PHF24: variants seen among roughly 807,000 people sequenced by gnomAD.
PHF24 encodes Galpha inhibitory interacting protein.
Under a neutral mutation model 42.6 loss-of-function variants are expected in PHF24, and 25 were observed. The ratio of observed to expected loss-of-function variants is 0.59; its 90% CI spans 0.43 to 0.82. The LOEUF is 0.82. PHF24 is among the 40% of genes least tolerant of loss of function. The pLI is 0.00. For synonymous variants in PHF24, 185 were observed against 204.8 expected (o/e 0.90, Z 0.83); for missense variants, 470 against 538.1 (o/e 0.87, Z 1.25).
chr9:34,855,040 G>C, the PHF24 span, among the ~76,000 whole-genome samples: 4 of 152,088 alleles, frequency 2.6e-5, no homozygotes, highest in Non-Finnish European at 4.4e-5. Flanking sequence ...ACCCTTCTTT[G>C]GCTTTTTTGA....
chr9:34,972,450 C>T (rs981148976), exon 3 of PHF24: 1 of 1,614,078 alleles, frequency 6.2e-7, no homozygotes, highest in African/African-American at 1.3e-5. Context: ...GCCTGCGCCG[C>T]ATGGGCTACA....
At chr9:34,719,617 C>A in the PHF24 span, among the ~76,000 whole-genome samples, 1 of 152,208 alleles carries the variant, frequency 6.6e-6, no homozygotes, top group African/African-American at 2.4e-5. Flanking sequence ...TGAGCCCATG[C>A]TGGCCTCAGG....
the PHF24 span, among the ~76,000 whole-genome samples, chr9:34,790,090 C>T: frequency 6.6e-6 from 1 of 152,170 alleles, no homozygotes. Context: ...TCAGGCGATC[C>T]TCCACCTTCA....
At chr9:34,959,765 G>A (rs1228916180) in intron 1 of PHF24, among the ~76,000 whole-genome samples, 2 of 152,142 alleles carry the variant, frequency 1.3e-5, no homozygotes, top group Non-Finnish European at 2.9e-5. Flanking sequence ...TTTTTGACAG[G>A]GCTTTCTCTG....
the PHF24 span, among the ~76,000 whole-genome samples, chr9:34,739,099 A>G: frequency 2.0e-5 from 3 of 152,000 alleles, no homozygotes; most frequent in African/African-American, 7.3e-5. Flanking sequence ...CAGTTTTCTA[A>G]TTTTCTTGTT....
At chr9:34,690,332 C>G in the PHF24 span, 3 of 1,613,744 alleles carry the variant, frequency 1.9e-6, no homozygotes. Flanking sequence ...TGGTGCCACT[C>G]AGAGTTGGGG....
exon 8 of PHF24, chr9:34,980,695 C>T (rs1035127507): frequency 6.6e-6 from 1 of 152,294 alleles, no homozygotes; most frequent in Admixed American, 6.5e-5. Context: ...ATTTCGTTTT[C>T]AAGCCCTCCC....
the PHF24 span, among the ~76,000 whole-genome samples, chr9:34,933,541 G>A: frequency 2.0e-5 from 3 of 151,726 alleles, no homozygotes; most frequent in Non-Finnish European, 4.4e-5. Context: ...TGGCTAACAC[G>A]GTGAAACCCT....
the PHF24 span, among the ~76,000 whole-genome samples, chr9:34,883,973 C>G: frequency 0.036 from 5,436 of 152,284 alleles, 303 homozygotes; most frequent in African/African-American, 0.12. Flanking sequence ...CCCAAATGTC[C>G]ATCAGTGATA....
intron 7 of PHF24, 42 bp downstream of exon 7, chr9:34,977,683 C>A: frequency 6.7e-7 from 1 of 1,482,428 alleles, no homozygotes; most frequent in Non-Finnish European, 9.2e-7. Context: ...ACCCTCTGAA[C>A]CCCCACAAAA....
the PHF24 span, among the ~76,000 whole-genome samples, chr9:34,695,641 A>C: frequency 1.3e-5 from 2 of 152,148 alleles, no homozygotes; most frequent in Non-Finnish European, 2.9e-5. Context: ...CTCCAGGTAA[A>C]TGATGTCAGA....
At chr9:34,814,469 A>G in the PHF24 span, among the ~76,000 whole-genome samples, 2 of 152,222 alleles carry the variant, frequency 1.3e-5, no homozygotes, top group African/African-American at 4.8e-5. Flanking sequence ...TTCTTACTGT[A>G]AAAGCAGTGA....
chr9:34,760,861 G>T, the PHF24 span, among the ~76,000 whole-genome samples: 1 of 152,068 alleles, frequency 6.6e-6, no homozygotes, highest in Non-Finnish European at 1.5e-5. Context: ...GTGTAGTGGC[G>T]AGCGCCTGTA....
the PHF24 span, chr9:34,895,054 C>G: frequency 2.5e-6 from 1 of 398,526 alleles, no homozygotes; most frequent in East Asian, 3.6e-5. Context: ...GATGTTCTAT[C>G]TCCAGACTTT....
chr9:34,850,185 C>A, the PHF24 span, among the ~76,000 whole-genome samples: 80 of 152,288 alleles, frequency 5.3e-4, no homozygotes, highest in Admixed American at 4.4e-3. Context: ...TGGATAATAT[C>A]CTGCAGAGTG....
At chr9:34,833,156 T>C in the PHF24 span, 2 of 1,550,840 alleles carry the variant, frequency 1.3e-6, no homozygotes, top group Admixed American at 3.9e-5. Context: ...CTCTGGGTCC[T>C]CTCTGTTTCC....
chr9:34,770,260 A>T, the PHF24 span, among the ~76,000 whole-genome samples: 1 of 152,168 alleles, frequency 6.6e-6, no homozygotes, highest in Non-Finnish European at 1.5e-5. Context: ...AGAAATACTA[A>T]TGACCCCTAA....
chr9:34,951,050 C>G, the PHF24 span, among the ~76,000 whole-genome samples: 1 of 152,176 alleles, frequency 6.6e-6, no homozygotes. Flanking sequence ...ACATTATGAA[C>G]AATTATATGC....
the PHF24 span, among the ~76,000 whole-genome samples, chr9:34,893,757 C>T: frequency 1.3e-5 from 2 of 152,114 alleles, no homozygotes; most frequent in East Asian, 3.9e-4. Flanking sequence ...TCTCTGTTGA[C>T]CTTGTTGAAA....
Sources: allele counts gnomAD v4.1 joint callset (sites outside exome capture counted in the v4.1 genomes callset), GRCh38; gene constraint gnomAD v4.1.1; transcripts MANE v1.5; gene names NCBI Gene and HGNC (gene_info 2026-07-23, HGNC 2026-07-21).